The following CDKAL1 variants were observed in gnomAD, a reference collection of about 807,000 sequenced individuals.
CDKAL1 encodes the protein threonylcarbamoyladenosine tRNA methylthiotransferase.
Under a neutral mutation model 68.2 loss-of-function variants are expected in CDKAL1, and 32 were observed. The observed-to-expected ratio is 0.47, with a 90% CI of 0.35 to 0.63. The LOEUF (loss-of-function observed/expected upper bound fraction) is 0.63. Ranked by LOEUF, CDKAL1 falls within the 30% of genes least tolerant of loss-of-function variation. The pLI, the probability that CDKAL1 is intolerant of heterozygous loss-of-function variation, is 0.00. For missense variants in CDKAL1, 606 were observed against 696.7 expected, an observed-to-expected ratio of 0.87 and a Z score of 1.47; for synonymous variants, 234 against 244.3, an observed-to-expected ratio of 0.96 and a Z score of 0.39.
intron 8 of CDKAL1, among the ~76,000 whole-genome samples, chr6:20,824,523 C>G (rs1446379090): frequency 2.6e-5 from 4 of 152,114 alleles, no homozygotes; most frequent in Non-Finnish European, 5.9e-5. Context: ...GATTATGGGC[C>G]TCAGTCTCTT....
chr6:21,072,494 G>A (rs1470630016), intron 12 of CDKAL1, among the ~76,000 whole-genome samples: 1 of 138,558 alleles, frequency 7.2e-6, no homozygotes, highest in East Asian at 2.2e-4. Context: ...TTCGGAGCTT[G>A]CAGTGAGCCA....
chr6:21,064,296 C>T (rs577361567), intron 11 of CDKAL1, among the ~76,000 whole-genome samples: 6 of 151,658 alleles, frequency 4.0e-5, no homozygotes, highest in Admixed American at 2.0e-4. Context: ...ACTTAGGATC[C>T]GGGAAAAAAA....
chr6:20,869,141 G>C (rs954568374), intron 9 of CDKAL1, among the ~76,000 whole-genome samples: 6 of 152,088 alleles, frequency 3.9e-5, no homozygotes, highest in African/African-American at 1.2e-4. Flanking sequence ...TTTTAGTTGG[G>C]AGTTGCTCTC....
At chr6:21,115,286 A>T (rs1774352538) in intron 13 of CDKAL1, among the ~76,000 whole-genome samples, 1 of 152,234 alleles carries the variant, frequency 6.6e-6, no homozygotes, top group Non-Finnish European at 1.5e-5. Flanking sequence ...AGCCTTCATT[A>T]TCTCCTGTGC....
intron 5 of CDKAL1, among the ~76,000 whole-genome samples, chr6:20,736,508 C>T (rs567447169): frequency 2.6e-5 from 4 of 152,276 alleles, no homozygotes; most frequent in Admixed American, 2.0e-4. Context: ...CGGTGGCTCA[C>T]GCCTGTAATC....
At chr6:21,028,772 A>G (rs1458268609) in intron 11 of CDKAL1, among the ~76,000 whole-genome samples, 1 of 152,180 alleles carries the variant, frequency 6.6e-6, no homozygotes, top group Non-Finnish European at 1.5e-5. Flanking sequence ...ATAGAGACTT[A>G]AAGTGGCTCA....
intron 4 of CDKAL1, among the ~76,000 whole-genome samples, chr6:20,600,265 TTAA>T (rs979862497): frequency 2.4e-4 from 36 of 152,154 alleles, no homozygotes; most frequent in Admixed American, 1.7e-3. Context: ...TGTATATGTG[TTAA>T]TAATTTATTG....
At chr6:21,017,456 C>T (rs1042692159) in intron 11 of CDKAL1, among the ~76,000 whole-genome samples, 1 of 152,164 alleles carries the variant, frequency 6.6e-6, no homozygotes, top group Non-Finnish European at 1.5e-5. Context: ...GCCGCCTCTT[C>T]TAAGTCTTTA....
At position 21,231,062 on chromosome 6, in the gene CDKAL1, A is replaced by G. The variant is rs560845954; in HGVS notation, c.*23A>G. 16 of 1,507,862 alleles carry G rather than the reference A, an allele frequency of 1.1e-5. No individual in the cohort carries two copies. Among genetic ancestry groups the G allele is most frequent in the South Asian group, 6.1e-5 (5 of 82,438 alleles). 93.4% of individuals were successfully genotyped at this position (1,507,862 alleles called of 1,614,324 possible). On this transcript the variant is annotated 3_prime_UTR_variant, in exon 16 of 16. Coordinates refer to ENST00000274695, the MANE Select transcript of CDKAL1 (RefSeq NM_017774.3). ...TAGAATACAACTAATGGAAACATCT[A>G]TAAAGAAGAATACATTTCTAATTAA... is the stretch of plus-strand genomic sequence containing the variant.
At chr6:21,148,623 TTTTC>T (rs1776281173) in intron 13 of CDKAL1, among the ~76,000 whole-genome samples, 1 of 152,170 alleles carries the variant, frequency 6.6e-6, no homozygotes, top group East Asian at 1.9e-4. Flanking sequence ...CTGGATATAT[TTTTC>T]TTTTTTTTAC....
chr6:21,225,934 A>G (rs1779723801), intron 15 of CDKAL1, among the ~76,000 whole-genome samples: 1 of 152,236 alleles, frequency 6.6e-6, no homozygotes. Context: ...ATCTATATAT[A>G]TCTAATTTAA....
intron 4 of CDKAL1, among the ~76,000 whole-genome samples, chr6:20,575,813 G>T (rs1478750118): frequency 3.3e-5 from 5 of 151,932 alleles, no homozygotes; most frequent in Non-Finnish European, 7.4e-5. Context: ...TCCTTTTCCT[G>T]TTTCATTTGC....
chr6:21,129,908 CTT>C (rs922307204), intron 13 of CDKAL1, among the ~76,000 whole-genome samples: 1 of 151,526 alleles, frequency 6.6e-6, no homozygotes, highest in African/African-American at 2.4e-5. Flanking sequence ...AATACAGTCC[CTT>C]TTTTTTCTAC....
intron 9 of CDKAL1, among the ~76,000 whole-genome samples, chr6:20,945,136 A>T (rs924959953): frequency 6.6e-6 from 1 of 151,912 alleles, no homozygotes; most frequent in African/African-American, 2.4e-5. Context: ...CTCATCTCCT[A>T]CATCCAACCT....
At position 21,019,637 on chromosome 6, in the gene CDKAL1, G is replaced by A. The variant is rs549020712; in HGVS notation, c.1055+19265G>A. ...GTTCATGCACTTGTAGCAGCAGCCTGTGGTTCTGCTGTTGTGAATGATGAC... is the reference window on the plus strand; with the variant it reads ...GTTCATGCACTTGTAGCAGCAGCCTATGGTTCTGCTGTTGTGAATGATGAC... On this transcript the variant is annotated intron_variant, in intron 11 of 15. Transcript: ENST00000274695. Among the ~76,000 whole-genome samples, 6 of 152,314 alleles carry A rather than the reference G, an allele frequency of 3.9e-5. No individual in the cohort carries two copies. The East Asian group carries it at 1.2e-3, about 29-fold the overall frequency.
At chr6:20,893,164 A>T (rs1367640782) in intron 9 of CDKAL1, among the ~76,000 whole-genome samples, 1 of 152,224 alleles carries the variant, frequency 6.6e-6, no homozygotes, top group Non-Finnish European at 1.5e-5. Flanking sequence ...TTGACTTGGC[A>T]TCACAAAAGA....
chr6:20,566,735 A>G (rs1456439734), intron 4 of CDKAL1, among the ~76,000 whole-genome samples: 3 of 152,164 alleles, frequency 2.0e-5, no homozygotes, highest in Admixed American at 2.0e-4. Context: ...TCTGTTCCCT[A>G]AACCTTGAGG....
intron 8 of CDKAL1, among the ~76,000 whole-genome samples, chr6:20,838,211 A>T (rs1284539808): frequency 6.6e-6 from 1 of 152,084 alleles, no homozygotes; most frequent in Non-Finnish European, 1.5e-5. Context: ...TTATATGTAT[A>T]ATGTATACAT....
At chr6:20,810,563 G>A (rs933769982) in intron 8 of CDKAL1, among the ~76,000 whole-genome samples, 2 of 150,870 alleles carry the variant, frequency 1.3e-5, no homozygotes, top group South Asian at 4.2e-4. Context: ...TTCCACTGCA[G>A]TCTAACCTGG....
Sources: allele counts gnomAD v4.1 joint callset (sites outside exome capture counted in the v4.1 genomes callset), GRCh38; gene constraint gnomAD v4.1.1; transcripts MANE v1.5; gene names NCBI Gene and HGNC (gene_info 2026-07-23, HGNC 2026-07-21).